Variants in ERBB4 observed in about 807,000 individuals in gnomAD.
ERBB4 encodes erb-b2 receptor tyrosine kinase 4, also known as receptor tyrosine-protein kinase erbB-4.
A neutral mutation model predicts 158.0 loss-of-function variants in ERBB4; 42 were observed. The observed-to-expected ratio is 0.27, with a 90% CI of 0.21 to 0.34. The LOEUF (loss-of-function observed/expected upper bound fraction) is 0.34, where lower values mean the gene tolerates loss of function less well. Ranked by LOEUF, ERBB4 falls within the 10% of genes least tolerant of loss-of-function variation. The pLI, the probability that ERBB4 is intolerant of heterozygous loss-of-function variation, is 1.00. For missense variants in ERBB4, 1,333 were observed against 1,624.1 expected, an observed-to-expected ratio of 0.82 and a Z score of 3.08; for synonymous variants, 583 against 558.7, an observed-to-expected ratio of 1.04 and a Z score of -0.61.
chr2:211,813,658 T>C (rs1330020399), intron 3 of ERBB4, among the ~76,000 whole-genome samples: 4 of 152,180 alleles, frequency 2.6e-5, no homozygotes, highest in Non-Finnish European at 4.4e-5. Context: ...ACTATTCCTA[T>C]CCTACAAGTG....
chr2:211,664,712 T>C (rs1239963353), intron 15 of ERBB4, among the ~76,000 whole-genome samples: 2 of 152,178 alleles, frequency 1.3e-5, no homozygotes, highest in Admixed American at 6.5e-5. Flanking sequence ...AAAAAAAATT[T>C]ACCAAGCTTC....
rs531817098 is a variant in ERBB4, at chr2:211,862,735, G to T, written c.422-74576C>A. Among the ~76,000 whole-genome samples the T allele has an allele frequency of 2.6e-5, 4 of 152,280 alleles. No homozygotes were observed. In the South Asian group the frequency reaches 8.3e-4, roughly 32 times the overall value. On this transcript the variant is annotated intron_variant, in intron 3 of 27. Coordinates refer to ENST00000342788, the MANE Select transcript of ERBB4 (RefSeq NM_005235.3). ...ATCATTATTTTACTTAGAAAAAAGG[G>T]AATTTAATATGGTTCTATCTAAAAA...
chr2:212,482,862 T>C (rs1689774184), intron 1 of ERBB4, among the ~76,000 whole-genome samples: 1 of 152,214 alleles, frequency 6.6e-6, no homozygotes, highest in South Asian at 2.1e-4. Context: ...GACCTAGTGA[T>C]CTGCCCGCCT....
At chr2:211,590,587 G>A (rs947688576) in intron 19 of ERBB4, among the ~76,000 whole-genome samples, 2 of 151,408 alleles carry the variant, frequency 1.3e-5, no homozygotes, top group East Asian at 2.0e-4. Flanking sequence ...TTTCACCTTC[G>A]ACCCAAACAA....
intron 19 of ERBB4, among the ~76,000 whole-genome samples, chr2:211,587,852 T>TCCTGGTC (rs2068333424): frequency 6.6e-6 from 1 of 152,198 alleles, no homozygotes; most frequent in African/African-American, 2.4e-5. Flanking sequence ...GACCTGGGAT[T>TCCTGGTC]ATATTCCTGG....
At chr2:212,448,267 G>T (rs1040895940) in intron 1 of ERBB4, among the ~76,000 whole-genome samples, 1 of 152,158 alleles carries the variant, frequency 6.6e-6, no homozygotes, top group Non-Finnish European at 1.5e-5. Flanking sequence ...CAACAGAGGT[G>T]ATTTCAAAGG....
chr2:211,945,964 A>G (rs1161594371), intron 3 of ERBB4, among the ~76,000 whole-genome samples: 1 of 152,052 alleles, frequency 6.6e-6, no homozygotes, highest in Non-Finnish European at 1.5e-5. Flanking sequence ...TAACTGGATC[A>G]TATTACAGTA....
chr2:211,560,441 A>C (rs1386615702), intron 20 of ERBB4, among the ~76,000 whole-genome samples: 16 of 151,096 alleles, frequency 1.1e-4, no homozygotes, highest in Admixed American at 1.1e-3. Context: ...TGCCCAGCTA[A>C]TTTTGTATTT....
At chr2:211,688,170 T>C (rs572987612) in intron 12 of ERBB4, among the ~76,000 whole-genome samples, 11 of 152,244 alleles carry the variant, frequency 7.2e-5, no homozygotes, top group Non-Finnish European at 1.3e-4. Flanking sequence ...TATTCATCCA[T>C]GTAGTTACCA....
intron 1 of ERBB4, among the ~76,000 whole-genome samples, chr2:212,343,080 G>C (rs929242682): frequency 2.0e-5 from 3 of 152,110 alleles, no homozygotes; most frequent in Admixed American, 2.0e-4. Context: ...TGAATAATTT[G>C]ATAGAGTCTA....
intron 4 of ERBB4, among the ~76,000 whole-genome samples, chr2:211,776,723 T>G (rs2075885320): frequency 6.6e-6 from 1 of 152,186 alleles, no homozygotes; most frequent in Non-Finnish European, 1.5e-5. Flanking sequence ...TCTTTAAAGT[T>G]GAATTGGCAG....
intron 4 of ERBB4, among the ~76,000 whole-genome samples, chr2:211,774,073 A>ATTTTTTTTTTTTTTTTTTTTTTTTTT (rs113991569): frequency 7.0e-6 from 1 of 142,134 alleles, no homozygotes. Flanking sequence ...ACCCCAACCA[A>ATTTTTTTTTTTTTTTTTTTTTTTTTT]TTTTTTTTTT....
chr2:211,588,486 T>C (rs1381899056), intron 19 of ERBB4, among the ~76,000 whole-genome samples: 3 of 152,184 alleles, frequency 2.0e-5, no homozygotes, highest in Non-Finnish European at 2.9e-5. Flanking sequence ...TTTCTTTCTT[T>C]TGGCAGGTAA....
chr2:212,182,879 G>GT (rs35593055), intron 1 of ERBB4, among the ~76,000 whole-genome samples: 142,006 of 148,808 alleles, frequency 0.95, 67,881 homozygotes, highest in Non-Finnish European at 0.99. Context: ...TTGGGTTGAG[G>GT]TTTTTTTTTA....
chr2:211,910,671 C>T (rs2079519729), intron 3 of ERBB4, among the ~76,000 whole-genome samples: 1 of 151,868 alleles, frequency 6.6e-6, no homozygotes, highest in African/African-American at 2.4e-5. Context: ...CAACAAACCC[C>T]CATGGGACAA....
chr2:212,297,254 G>C (rs1490930976), intron 1 of ERBB4, among the ~76,000 whole-genome samples: 1 of 151,852 alleles, frequency 6.6e-6, no homozygotes, highest in Non-Finnish European at 1.5e-5. Context: ...AACAGTTTTG[G>C]CTTTCAATTA....
At chr2:212,333,635 A>T (rs1179923221) in intron 1 of ERBB4, among the ~76,000 whole-genome samples, 2 of 151,710 alleles carry the variant, frequency 1.3e-5, no homozygotes, top group Non-Finnish European at 2.9e-5. Flanking sequence ...TTGAGGCTCC[A>T]GCGAGCCATG....
intron 2 of ERBB4, among the ~76,000 whole-genome samples, chr2:211,973,884 T>C (rs943812290): frequency 6.6e-6 from 1 of 152,084 alleles, no homozygotes; most frequent in South Asian, 2.1e-4. Flanking sequence ...ATGTACACCA[T>C]GGAAACTATA....
intron 20 of ERBB4, among the ~76,000 whole-genome samples, chr2:211,556,475 T>G (rs534780537): frequency 6.6e-6 from 1 of 152,134 alleles, no homozygotes; most frequent in African/African-American, 2.4e-5. Context: ...CCAAAAACAA[T>G]AGAATATACT....
Sources: allele counts gnomAD v4.1 joint callset (sites outside exome capture counted in the v4.1 genomes callset), GRCh38; gene constraint gnomAD v4.1.1; transcripts MANE v1.5; gene names NCBI Gene and HGNC (gene_info 2026-07-23, HGNC 2026-07-21).